The following C8orf74 variants were observed in gnomAD, a reference collection of about 807,000 sequenced individuals.
C8orf74 encodes the protein chromosome 8 open reading frame 74, also known as uncharacterized protein C8orf74.
C8orf74 carries 29 observed loss-of-function variants against 22.2 expected under a neutral mutation model. The ratio of observed to expected loss-of-function variants is 1.31; its 90% CI spans 0.97 to 1.78. The LOEUF is 1.78. Among genes scored for constraint, C8orf74 ranks in the 40% most tolerant of loss-of-function variants. The pLI is 0.00. For missense variants in C8orf74, 515 were observed against 369.9 expected, an observed-to-expected ratio of 1.39 and a Z score of -3.22; for synonymous variants, 255 against 163.1, an observed-to-expected ratio of 1.56 and a Z score of -4.30.
At chr8:10,680,739 C>A (rs1330324812) in intron 2 of C8orf74, among the ~76,000 whole-genome samples, 1 of 152,304 alleles carries the variant, frequency 6.6e-6, no homozygotes, top group South Asian at 2.1e-4. Context: ...ACCGAGAGAG[C>A]AGGAAGCTGT....
chr8:10,687,830 A>C (rs975033842), intron 2 of C8orf74, among the ~76,000 whole-genome samples: 5 of 152,154 alleles, frequency 3.3e-5, no homozygotes, highest in Non-Finnish European at 5.9e-5. Context: ...AAAATGCATA[A>C]ATTATAAATC....
intron 3 of C8orf74, 112 bp downstream of exon 3, chr8:10,698,117 A>C: frequency 1.9e-6 from 2 of 1,062,092 alleles, no homozygotes; most frequent in Non-Finnish European, 2.6e-6. Context: ...GGAGGGGGAG[A>C]GATGCAGGGA....
chr8:10,698,503 G>A (rs958943109), intron 3 of C8orf74, among the ~76,000 whole-genome samples: 3 of 152,114 alleles, frequency 2.0e-5, no homozygotes, highest in Non-Finnish European at 4.4e-5. Flanking sequence ...GGCCCAGGGA[G>A]GACTTAGGAG....
Position 10,674,711 on chromosome 8 carries a change from C to T in C8orf74, c.114C>T (p.Asp38=). ...GGGAGGAGTTTGACGAACAGAGAGA[C>T]TCCCGGAGGAGCATCCTGCTGGACA... The part of the protein sequence containing the change: ...LNWEEFDEQR[D]SRRSILLDTL... The change falls in exon 2 of 4, where the codon GAC becomes GAT. Residue 38 remains aspartate, a synonymous_variant. Transcript: ENST00000304519. The T allele has an allele frequency of 6.2e-7, 1 of 1,609,236 alleles. No individual in the cohort carries two copies. The highest frequency in any genetic ancestry group is 8.5e-7 in the Non-Finnish European group (1 of 1,177,794).
At position 10,700,568 on chromosome 8, in the gene C8orf74, T is replaced by C. The variant is rs59747969; in HGVS notation, c.*97T>C. ...GCTCAGCACCCACAGAGAGACTTCT[T>C]GTGATTAAAAGAAACAAACCCATGC... On this transcript the variant is annotated 3_prime_UTR_variant, in exon 4 of 4. Coordinates refer to ENST00000304519, the MANE Select transcript of C8orf74 (RefSeq NM_001040032.2). 55,659 of 737,852 alleles carry C rather than the reference T, an allele frequency of 0.075. 12,786 individuals are homozygous for C. Among genetic ancestry groups the C allele is most frequent in the African/African-American group, 0.62 (34,528 of 55,466 alleles). The allele number at this position is 737,852 out of a possible 1,614,324, so 45.7% of individuals were successfully genotyped here. A position where few individuals can be genotyped will look rare whatever the true frequency, so the allele number is the denominator to read the frequency against.
chr8:10,672,848 T>C (rs1798945641), intron 1 of C8orf74, 135 bp downstream of exon 1: 1 of 740,424 alleles, frequency 1.4e-6, no homozygotes, highest in Middle Eastern at 3.2e-4. Context: ...TCTGAGGCTG[T>C]GACGAGATGT....
rs11989988 is a variant in C8orf74 at position 10,682,174 on chromosome 8, A to G, written c.241+7336A>G. On this transcript the variant is annotated intron_variant, in intron 2 of 3. Coordinates refer to ENST00000304519, the MANE Select transcript of C8orf74 (RefSeq NM_001040032.2). ...CTCCAAGGACCCCTCCTTCCCAACCAGAACCTGACACCCCTCAGGCGAGAC... is the reference window on the plus strand; with the variant it reads ...CTCCAAGGACCCCTCCTTCCCAACCGGAACCTGACACCCCTCAGGCGAGAC... 6.3e-3 allele frequency among the ~76,000 whole-genome samples: 965 copies of G among 152,312 alleles called. 13 individuals carry two copies. The highest frequency in any genetic ancestry group is 0.022 in the African/African-American group (930 of 41,576).
rs1799550774 is a variant in C8orf74 at position 10,697,608 on chromosome 8, T to C, written c.251T>C (p.Ile84Thr). ...GCCCCTGTGCCTACAGGCTGCTCCA[T>C]TACTGAGGCTGTGACGATCCTGGGG... ...ELLRETKGCS[I>T]TEAVTILGNK... The change falls in exon 3 of 4, where the codon ATT (isoleucine) becomes ACT (threonine). Residue 84 changes from isoleucine to threonine, a missense_variant. Physicochemically the swap from Ile to Thr is moderately conservative, Grantham distance 89. Transcript: ENST00000304519. The C allele has an allele frequency of 6.2e-7, 1 of 1,613,592 alleles. No homozygotes were observed. The highest frequency in any genetic ancestry group is 8.5e-7 in the Non-Finnish European group (1 of 1,179,676).
At chr8:10,686,843 C>G (rs1799271222) in intron 2 of C8orf74, among the ~76,000 whole-genome samples, 1 of 152,170 alleles carries the variant, frequency 6.6e-6, no homozygotes. Flanking sequence ...AAGTGGTGTC[C>G]TATTCCCCTA....
At chr8:10,683,790 G>A (rs1323606345) in intron 2 of C8orf74, among the ~76,000 whole-genome samples, 1 of 152,224 alleles carries the variant, frequency 6.6e-6, no homozygotes, top group Non-Finnish European at 1.5e-5. Context: ...GAGCATCTGA[G>A]GCCCTCAGCT....
In C8orf74 at chr8:10,697,703, C is replaced by T; in HGVS notation, c.346C>T (p.His116Tyr). ...GCTGGCCCTCTGTGACTACTTCCAC[C>T]ACACCTTCATCCGCCACTACAAACT... Reference protein sequence around the residue: ...HLLALCDYFHHTFIRHYKLYQ... With the variant: ...HLLALCDYFHYTFIRHYKLYQ... The change falls in exon 3 of 4, where the codon CAC becomes TAC. Residue 116 changes from histidine to tyrosine, a missense_variant. His to Tyr is a moderately conservative substitution (Grantham distance 83). Coordinates refer to ENST00000304519, the MANE Select transcript of C8orf74 (RefSeq NM_001040032.2). The T allele has an allele frequency of 1.2e-6, 2 of 1,614,000 alleles. No individual in the cohort carries two copies. The highest frequency in any genetic ancestry group is 1.1e-5 in the South Asian group (1 of 91,088).
At chr8:10,691,125 C>G in intron 2 of C8orf74, 1 of 362,334 alleles carries the variant, frequency 2.8e-6, no homozygotes, top group Non-Finnish European at 5.6e-6. Context: ...TTTGCTGAAA[C>G]CCAGAACCAG....
At chr8:10,685,833 G>C (rs1034371974) in intron 2 of C8orf74, among the ~76,000 whole-genome samples, 1 of 152,368 alleles carries the variant, frequency 6.6e-6, no homozygotes, top group South Asian at 2.1e-4. Context: ...ACTTTGGGAG[G>C]CTGAGGCAGG....
intron 2 of C8orf74, among the ~76,000 whole-genome samples, chr8:10,676,898 G>A (rs1799044267): frequency 6.6e-6 from 1 of 152,118 alleles, no homozygotes; most frequent in Admixed American, 6.5e-5. Context: ...GGTGGGAAGC[G>A]AACTCTTTCA....
chr8:10,691,020 C>CA (rs1210430764), intron 2 of C8orf74: 3 of 441,298 alleles, frequency 6.8e-6, no homozygotes, highest in Non-Finnish European at 1.4e-5. Flanking sequence ...TTAATCCCTC[C>CA]ACTTTCTGAG....
intron 2 of C8orf74, among the ~76,000 whole-genome samples, chr8:10,676,936 A>C (rs1799045241): frequency 6.6e-6 from 1 of 152,232 alleles, no homozygotes; most frequent in African/African-American, 2.4e-5. Flanking sequence ...CCACAGGCCA[A>C]GCCCTTGGAA....
chr8:10,696,958 G>GAAAA lies in C8orf74; in HGVS notation c.242-629_242-626dup, dbSNP rs60560452. On this transcript the variant is annotated intron_variant, in intron 2 of 3. Transcript: ENST00000304519. ...GAGGATAGCTTATGCCCAGGAGTTC[G>GAAAA]AAAAAAAAAAAAAAAGACAAAATAC... is the stretch of plus-strand genomic sequence containing the variant. Among the ~76,000 whole-genome samples, 266 of 104,314 alleles carry GAAAA rather than the reference G, an allele frequency of 2.5e-3. 7 individuals are homozygous for GAAAA. Among genetic ancestry groups the GAAAA allele is most frequent in the African/African-American group, 7.9e-3 (243 of 30,662 alleles). 68.4% of individuals were successfully genotyped at this position (104,314 alleles called of 152,430 possible).
chr8:10,674,210 C>G (rs113811587), intron 1 of C8orf74, among the ~76,000 whole-genome samples: 66 of 130,868 alleles, frequency 5.0e-4, no homozygotes, highest in African/African-American at 1.8e-3. Flanking sequence ...CTGTAGCCCT[C>G]ATATCATGCC....
chr8:10,686,055 C>T (rs144164327), intron 2 of C8orf74, among the ~76,000 whole-genome samples: 459 of 152,098 alleles, frequency 3.0e-3, no homozygotes, highest in African/African-American at 8.8e-3. Context: ...GGCAACAGAT[C>T]GAGACTCCAT....
Sources: gnomAD v4.1 joint callset for allele counts (sites outside exome capture counted in the v4.1 genomes callset) on GRCh38, gnomAD v4.1.1 for gene constraint, MANE v1.5 for transcripts, NCBI Gene and HGNC (gene_info 2026-07-23, HGNC 2026-07-21) for gene names.